Variants in CWC25 observed in about 807,000 individuals in gnomAD.
CWC25 encodes the protein CWC25 spliceosome associated protein.
In CWC25, 31 loss-of-function variants were observed where a neutral mutation model predicts 54.6. That is an observed-to-expected ratio of 0.57 (90% confidence interval 0.43 to 0.77). The LOEUF (loss-of-function observed/expected upper bound fraction) is 0.77. Ranked by LOEUF, CWC25 falls within the 30% of genes least tolerant of loss-of-function variation. The probability of loss-of-function intolerance (pLI) is 0.00; values close to 1 mark genes in which losing one functional copy is unlikely to be tolerated. For synonymous variants in CWC25, 151 were observed against 187.0 expected (o/e 0.81, Z 1.57); for missense variants, 453 against 529.3 (o/e 0.86, Z 1.41).
At chr17:38,809,631 C>T in intron 6 of CWC25, 71 bp downstream of exon 6, 1 of 1,453,396 alleles carries the variant, frequency 6.9e-7, no homozygotes, top group Non-Finnish European at 9.6e-7. Flanking sequence ...CACCTCCCTG[C>T]TATCCACATT....
In CWC25 at chr17:38,825,163, C is replaced by T; in HGVS notation, c.18+3G>A. On this transcript the variant is annotated splice_donor_region_variant and intron_variant, in intron 1 of 9. Transcript: ENST00000614790. ...TCCCCCGCCCAGGCCTCCCTCCACT[C>T]ACCAGGTCTCCGCCCCCCATGACGG... 2 of 1,579,608 alleles carry T rather than the reference C, an allele frequency of 1.3e-6. No individual in the cohort carries two copies. Among genetic ancestry groups the T allele is most frequent in the South Asian group, 1.2e-5 (1 of 86,320 alleles).
intron 4 of CWC25, 74 bp downstream of exon 4, chr17:38,812,721 A>G (rs1911539603): frequency 3.5e-6 from 3 of 847,456 alleles, no homozygotes; most frequent in African/African-American, 1.7e-5. Context: ...TGGTAAGCTG[A>G]GAGTAAATGG....
chr17:38,815,137 A>G, intron 2 of CWC25, 40 bp from the exon 3 acceptor site: 3 of 1,574,756 alleles, frequency 1.9e-6, no homozygotes, highest in Non-Finnish European at 1.7e-6. Flanking sequence ...TTTCTTTAAA[A>G]AGCAGACTTC....
chr17:38,817,264 C>T (rs904719704), intron 2 of CWC25, among the ~76,000 whole-genome samples: 3 of 150,102 alleles, frequency 2.0e-5, no homozygotes, highest in African/African-American at 4.9e-5. Context: ...CGCTTGAACC[C>T]GAGAAGTGGA....
At chr17:38,814,548 C>T (rs1428818984) in intron 3 of CWC25, among the ~76,000 whole-genome samples, 2 of 151,534 alleles carry the variant, frequency 1.3e-5, no homozygotes, top group East Asian at 3.9e-4. Flanking sequence ...TCGAGACCAT[C>T]CTGGCTAACA....
At position 38,801,715 on chromosome 17, in the gene CWC25, C is replaced by A; in HGVS notation, c.*377G>T. On this transcript the variant is annotated 3_prime_UTR_variant, in exon 10 of 10. Transcript: ENST00000614790. ...TAAGCACAATCTATCTGGGTGACAC[C>A]AGAGAGGTTTCTGAAGGGTCTGGTG... 6.0e-6 allele frequency: 1 copy of A among 166,576 alleles called. No homozygotes were observed. Among genetic ancestry groups the A allele is most frequent in the Non-Finnish European group, 1.3e-5 (1 of 78,138 alleles). 10.3% of individuals were successfully genotyped at this position (166,576 alleles called of 1,614,324 possible). A position where few individuals can be genotyped will look rare whatever the true frequency, so the allele number is the denominator to read the frequency against.
intron 2 of CWC25, among the ~76,000 whole-genome samples, chr17:38,819,383 T>TG (rs1311973382): frequency 2.7e-5 from 4 of 150,728 alleles, no homozygotes; most frequent in Non-Finnish European, 6.0e-5. Flanking sequence ...GTTTTTTTTT[T>TG]TTGAGACGGA....
intron 5 of CWC25, 78 bp from the exon 6 acceptor site, chr17:38,809,843 T>C (rs961712082): frequency 4.5e-6 from 6 of 1,342,754 alleles, no homozygotes; most frequent in African/African-American, 2.9e-5. Flanking sequence ...TGCTGAACTA[T>C]GCTTCTTGCC....
chr17:38,814,848 CCCCCA>C lies in CWC25; in HGVS notation c.428+8_428+12del. ...ATCTGTAACAAACCCCCTTCCTAGC[CCCCCA>C]TTAGTACCTGATGATGAAGAGTGGG... On this transcript the variant is annotated splice_region_variant and intron_variant, in intron 3 of 9. Coordinates refer to ENST00000614790, the MANE Select transcript of CWC25 (RefSeq NM_017748.5). The C allele has an allele frequency of 6.2e-7, 1 of 1,600,082 alleles. No homozygotes were observed. The highest frequency in any genetic ancestry group is 1.1e-5 in the South Asian group (1 of 90,496).
At chr17:38,816,483 C>G (rs1446354713) in intron 2 of CWC25, among the ~76,000 whole-genome samples, 1 of 151,930 alleles carries the variant, frequency 6.6e-6, no homozygotes, top group Non-Finnish European at 1.5e-5. Context: ...AACTACTGGC[C>G]TCAAGTGATC....
Position 38,806,787 on chromosome 17 carries a change from G to A in CWC25, c.880C>T (p.Arg294Trp), listed in dbSNP as rs374103352. The A allele has an allele frequency of 1.1e-5, 17 of 1,601,840 alleles. No homozygotes were observed. Among genetic ancestry groups the A allele is most frequent in the African/African-American group, 6.7e-5 (5 of 74,342 alleles). The change falls in exon 7 of 10, where the codon CGG becomes TGG. Residue 294 changes from arginine to tryptophan, a missense_variant. This residue lies in a region of CWC25 where 444 missense variants were observed against 499.2 expected (regional missense o/e 0.89). Transcript: ENST00000614790. ...RRSRSLGRRSRSPRPSKLHNS... is the reference protein window; with the variant it reads ...RRSRSLGRRSWSPRPSKLHNS... The stretch of plus-strand genomic sequence containing the variant: ...CACAGTTTGCTGGGTCTTGGGGACC[G>A]TGACCTTCTGCCCAGGGATCGAGAC...
chr17:38,821,143 C>A lies in CWC25; in HGVS notation c.19-70G>T. Reference sequence around the variant, plus strand: ...GAGTGGTGGGTATAACTAGCCCTGCCTCACCCACCCTTCCATACCCAAGGC... The same window carrying A: ...GAGTGGTGGGTATAACTAGCCCTGCATCACCCACCCTTCCATACCCAAGGC... On this transcript the variant is annotated intron_variant, in intron 1 of 9. Transcript: ENST00000614790. 6.0e-6 allele frequency: 9 copies of A among 1,489,566 alleles called. 1 individual carries two copies. In the Middle Eastern group the frequency reaches 5.4e-4, roughly 89 times the overall value. The allele number at this position is 1,489,566 out of a possible 1,614,324, so 92.3% of individuals were successfully genotyped here. A position where few individuals can be genotyped will look rare whatever the true frequency, so the allele number is the denominator to read the frequency against.
chr17:38,825,285 C>A lies in CWC25; in HGVS notation c.-102G>T, dbSNP rs1389482552. On this transcript the variant is annotated 5_prime_UTR_variant, in exon 1 of 10. Transcript: ENST00000614790. ...CGGGGGCTACCTCGCGGGATCTAGT[C>A]CCAGGAGCCGTCAACTGCCAGTTTC... is the stretch of plus-strand genomic sequence containing the variant. 5 of 1,298,788 alleles carry A rather than the reference C, an allele frequency of 3.8e-6. No individual in the cohort carries two copies. The highest frequency in any genetic ancestry group is 5.1e-5 in the Admixed American group (2 of 39,386). The allele number at this position is 1,298,788 out of a possible 1,614,324, so 80.5% of individuals were successfully genotyped here.
intron 2 of CWC25, among the ~76,000 whole-genome samples, chr17:38,819,675 T>C (rs556294991): frequency 7.0e-6 from 1 of 142,572 alleles, no homozygotes; most frequent in South Asian, 2.2e-4. Flanking sequence ...CCAGCCTCTA[T>C]TTTTTTTTTG....
intron 2 of CWC25, among the ~76,000 whole-genome samples, chr17:38,820,683 G>A (rs1354574136): frequency 6.6e-6 from 1 of 152,088 alleles, no homozygotes. Context: ...GAAGGCGTTG[G>A]GTATTATTAC....
At chr17:38,823,160 T>A (rs1911997729) in intron 1 of CWC25, among the ~76,000 whole-genome samples, 2 of 77,074 alleles carry the variant, frequency 2.6e-5, no homozygotes, top group African/African-American at 1.1e-4. Context: ...TTTTTTTAAC[T>A]TTTTTTTTTT....
intron 8 of CWC25, among the ~76,000 whole-genome samples, chr17:38,805,122 A>C (rs1911180349): frequency 6.6e-6 from 1 of 151,350 alleles, no homozygotes; most frequent in African/African-American, 2.4e-5. Flanking sequence ...AAAAAAAAAA[A>C]AAATTAGCTG....
chr17:38,812,445 T>C (rs1341267638), intron 4 of CWC25, among the ~76,000 whole-genome samples: 1 of 152,030 alleles, frequency 6.6e-6, no homozygotes, highest in African/African-American at 2.4e-5. Context: ...CTGACCAATA[T>C]GAATAAACCC....
intron 2 of CWC25, among the ~76,000 whole-genome samples, chr17:38,818,433 A>C (rs1206874818): frequency 1.3e-5 from 2 of 151,108 alleles, no homozygotes; most frequent in Non-Finnish European, 2.9e-5. Flanking sequence ...TCTACTAAAA[A>C]TACAAAAAAT....
Sources: allele counts gnomAD v4.1 joint callset (sites outside exome capture counted in the v4.1 genomes callset), GRCh38; gene constraint gnomAD v4.1.1; regional missense constraint gnomAD v4.1.1; transcripts MANE v1.5; gene names NCBI Gene and HGNC (gene_info 2026-07-23, HGNC 2026-07-21).